The following WNK2 variants were observed in gnomAD, a reference collection of about 807,000 sequenced individuals.
WNK2 encodes WNK lysine deficient protein kinase 2.
In WNK2, 67 loss-of-function variants were observed where a neutral mutation model predicts 192.1. The observed-to-expected ratio is 0.35, with a 90% CI of 0.29 to 0.43. The LOEUF (loss-of-function observed/expected upper bound fraction) is 0.43. Among genes scored for constraint, WNK2 ranks in the 20% least tolerant of loss-of-function variants. WNK2 has a pLI of 1.00. For synonymous variants in WNK2, 1,439 were observed against 1,393.9 expected, an observed-to-expected ratio of 1.03 and a Z score of -0.72; for missense variants, 2,698 against 3,089.7, an observed-to-expected ratio of 0.87 and a Z score of 3.01.
chr9:93,188,992 C>G (rs1829841297), intron 2 of WNK2, among the ~76,000 whole-genome samples: 2 of 152,294 alleles, frequency 1.3e-5, no homozygotes, highest in South Asian at 2.1e-4. Context: ...GTTGCTGGAC[C>G]AACACTGTTC....
chr9:93,235,809 G>A (rs879791303), intron 5 of WNK2, among the ~76,000 whole-genome samples: 13 of 152,206 alleles, frequency 8.5e-5, no homozygotes, highest in African/African-American at 1.4e-4. Context: ...GCTGCTCTGC[G>A]GGGCCATGGC....
At chr9:93,293,739 TGGG>T (rs1266912336) in intron 23 of WNK2, among the ~76,000 whole-genome samples, 3 of 152,086 alleles carry the variant, frequency 2.0e-5, no homozygotes, top group Non-Finnish European at 4.4e-5. Context: ...CTGCTGCACT[TGGG>T]GGTATGTCTT....
chr9:93,224,924 C>CAGGGCAGGAAGAATGCACCTGA (rs1837544159), intron 2 of WNK2, among the ~76,000 whole-genome samples: 1 of 152,178 alleles, frequency 6.6e-6, no homozygotes, highest in Non-Finnish European at 1.5e-5. Flanking sequence ...GACTGTGAGC[C>CAGGGCAGGAAGAATGCACCTGA]TTCCTAATAG....
intron 26 of WNK2, among the ~76,000 whole-genome samples, chr9:93,303,848 T>C (rs1852020532): frequency 6.6e-6 from 1 of 152,188 alleles, no homozygotes; most frequent in African/African-American, 2.4e-5. Context: ...ACATGGTTGT[T>C]CAATACGTAG....
chr9:93,241,990 C>T (rs911866801), intron 7 of WNK2, among the ~76,000 whole-genome samples: 6 of 152,178 alleles, frequency 3.9e-5, no homozygotes, highest in African/African-American at 1.2e-4. Context: ...TCCTGCTGCT[C>T]CTAACCTCAC....
intron 12 of WNK2, 101 bp from the exon 13 acceptor site, chr9:93,261,713 G>C: frequency 2.9e-6 from 4 of 1,384,714 alleles, no homozygotes; most frequent in Non-Finnish European, 3.9e-6. Context: ...GGAGAGGGGT[G>C]TTCCCATCTC....
At chr9:93,302,196 A>G (rs1204146267) in intron 26 of WNK2, among the ~76,000 whole-genome samples, 1 of 152,198 alleles carries the variant, frequency 6.6e-6, no homozygotes, top group Non-Finnish European at 1.5e-5. Flanking sequence ...TCCAGGGGAA[A>G]GACTGCAGGG....
chr9:93,243,638 G>T (rs148426008), intron 7 of WNK2, among the ~76,000 whole-genome samples: 1 of 152,226 alleles, frequency 6.6e-6, no homozygotes, highest in Non-Finnish European at 1.5e-5. Flanking sequence ...CCTGGCAGCA[G>T]CTGGAAGCAA....
intron 19 of WNK2, among the ~76,000 whole-genome samples, chr9:93,278,089 C>G (rs1048859721): frequency 1.3e-5 from 2 of 151,964 alleles, no homozygotes; most frequent in Non-Finnish European, 2.9e-5. Flanking sequence ...GTGAAGGACC[C>G]TGCAAGACTG....
chr9:93,260,766 C>A (rs535528183), intron 12 of WNK2, among the ~76,000 whole-genome samples: 1 of 152,314 alleles, frequency 6.6e-6, no homozygotes, highest in African/African-American at 2.4e-5. Flanking sequence ...CTGTGGCCCA[C>A]CCGAGTAAGT....
intron 2 of WNK2, among the ~76,000 whole-genome samples, chr9:93,201,034 T>G (rs10992675): frequency 6.6e-6 from 1 of 152,146 alleles, no homozygotes; most frequent in African/African-American, 2.4e-5. Context: ...CTGGGATGGA[T>G]TTTTAGGGAC....
intron 2 of WNK2, among the ~76,000 whole-genome samples, chr9:93,213,549 G>A (rs1835156910): frequency 1.3e-5 from 2 of 152,178 alleles, no homozygotes; most frequent in Non-Finnish European, 2.9e-5. Flanking sequence ...CAGCACTTTG[G>A]GAAGCCGAGA....
At chr9:93,317,198 A>C in intron 28 of WNK2, 1 of 457,046 alleles carries the variant, frequency 2.2e-6, no homozygotes, top group Non-Finnish European at 4.0e-6. Context: ...GTGGCTGAGT[A>C]GAGGCATGTG....
At chr9:93,280,514 A>T (rs1281665902) in intron 19 of WNK2, among the ~76,000 whole-genome samples, 2 of 152,230 alleles carry the variant, frequency 1.3e-5, no homozygotes, top group Non-Finnish European at 2.9e-5. Flanking sequence ...GTACTTAACC[A>T]AAATTAGTTA....
chr9:93,227,040 G>A (rs150838879), intron 2 of WNK2, among the ~76,000 whole-genome samples: 10 of 151,938 alleles, frequency 6.6e-5, no homozygotes, highest in Non-Finnish European at 1.5e-4. Context: ...TGAGGGCTGC[G>A]CCACCTGAAC....
intron 15 of WNK2, 60 bp from the exon 16 acceptor site, chr9:93,263,857 G>A: frequency 7.1e-7 from 1 of 1,403,932 alleles, no homozygotes; most frequent in Non-Finnish European, 9.6e-7. Context: ...GGGTGTGTGG[G>A]GGTGTGGCGG....
At position 93,258,995 on chromosome 9, in the gene WNK2, C is replaced by CAGG. The variant is rs1422783934; in HGVS notation, c.2447_2448insAGG (p.Ala816_Leu817insGly). The CAGG allele has an allele frequency of 6.2e-7, 1 of 1,613,022 alleles. No homozygotes were observed. Among genetic ancestry groups the CAGG allele is most frequent in the Non-Finnish European group, 8.5e-7 (1 of 1,179,814 alleles). Reference sequence around the variant, plus strand: ...GCGGGAATCGACGGCCTCCCTCCGGCCCTCCCAGACCTGCCGACCGCGACT... The same window carrying CAGG: ...GCGGGAATCGACGGCCTCCCTCCGGCAGGCCTCCCAGACCTGCCGACCGCGACT... On this transcript the variant is annotated inframe_insertion, in exon 12 of 30. Transcript: ENST00000427277.
intron 19 of WNK2, among the ~76,000 whole-genome samples, chr9:93,269,952 G>A (rs978984129): frequency 2.0e-5 from 3 of 152,228 alleles, no homozygotes; most frequent in African/African-American, 7.2e-5. Flanking sequence ...TCTGATCATA[G>A]TGGAGAATTA....
intron 26 of WNK2, among the ~76,000 whole-genome samples, chr9:93,305,220 G>A (rs1180588578): frequency 6.6e-6 from 1 of 152,242 alleles, no homozygotes; most frequent in Non-Finnish European, 1.5e-5. Flanking sequence ...TGTCTACATG[G>A]GACCATGGGC....
Sources: allele counts gnomAD v4.1 joint callset (sites outside exome capture counted in the v4.1 genomes callset), GRCh38; gene constraint gnomAD v4.1.1; transcripts MANE v1.5; gene names NCBI Gene and HGNC (gene_info 2026-07-23, HGNC 2026-07-21).